The following RANBP2 variants were observed in gnomAD, a reference collection of about 807,000 sequenced individuals.
The protein encoded by RANBP2 is E3 SUMO-protein ligase RanBP2.
A neutral mutation model predicts 303.6 loss-of-function variants in RANBP2; 57 were observed. The observed-to-expected ratio is 0.19, with a 90% CI of 0.15 to 0.23. The LOEUF is 0.23. Among genes scored for constraint, RANBP2 ranks in the 10% least tolerant of loss-of-function variants. The pLI, the probability that RANBP2 is intolerant of heterozygous loss-of-function variation, is 1.00. For synonymous variants in RANBP2, 1,167 were observed against 1,301.5 expected (o/e 0.90, Z 2.23); for missense variants, 3,138 against 3,780.8 (o/e 0.83, Z 4.46).
chr2:109,047,823 A>G, the RANBP2 span, among the ~76,000 whole-genome samples: 1 of 152,356 alleles, frequency 6.6e-6, no homozygotes, highest in East Asian at 1.9e-4. Flanking sequence ...ACAAAAAAAC[A>G]AAATCCAAAC....
At chr2:108,736,270 A>C (rs372137505) in intron 6 of RANBP2, 21 bp downstream of exon 6, 1 of 1,611,850 alleles carries the variant, frequency 6.2e-7, no homozygotes, top group Non-Finnish European at 8.5e-7. Flanking sequence ...TTTGAGAAGA[A>C]TGCTTTAGTA....
chr2:108,833,276 A>G, the RANBP2 span, among the ~76,000 whole-genome samples: 1 of 152,226 alleles, frequency 6.6e-6, no homozygotes, highest in Non-Finnish European at 1.5e-5. Context: ...CAGTGTTAAC[A>G]ACTGTAACAA....
chr2:109,088,790 A>C, the RANBP2 span, among the ~76,000 whole-genome samples: 1 of 152,148 alleles, frequency 6.6e-6, no homozygotes, highest in African/African-American at 2.4e-5. Flanking sequence ...TGGATTACAG[A>C]TGTGAGCCAC....
the RANBP2 span, among the ~76,000 whole-genome samples, chr2:109,170,490 C>T: frequency 1.1e-4 from 16 of 152,004 alleles, no homozygotes; most frequent in South Asian, 2.1e-4. Context: ...GGACTGCAGG[C>T]GCACACCACC....
At chr2:108,978,449 T>C in the RANBP2 span, among the ~76,000 whole-genome samples, 1 of 152,184 alleles carries the variant, frequency 6.6e-6, no homozygotes, top group Non-Finnish European at 1.5e-5. Context: ...GGGCTTGTCA[T>C]ATTTGTTAGA....
chr2:109,643,989 C>T, the RANBP2 span, among the ~76,000 whole-genome samples: 1 of 151,610 alleles, frequency 6.6e-6, no homozygotes, highest in Non-Finnish European at 1.5e-5. Flanking sequence ...GGCATGGTGG[C>T]AGGCGCCTGC....
chr2:109,185,285 A>G, the RANBP2 span, among the ~76,000 whole-genome samples: 1 of 152,242 alleles, frequency 6.6e-6, no homozygotes, highest in East Asian at 1.9e-4. Context: ...ATCGATGTGA[A>G]TAAAATCCCA....
chr2:109,708,365 A>G, the RANBP2 span, among the ~76,000 whole-genome samples: 24 of 151,794 alleles, frequency 1.6e-4, no homozygotes, highest in Admixed American at 1.5e-3. Flanking sequence ...GTCTCTAAAA[A>G]AACAAAATAA....
the RANBP2 span, among the ~76,000 whole-genome samples, chr2:109,083,743 G>A: frequency 1.3e-5 from 2 of 151,984 alleles, no homozygotes; most frequent in Non-Finnish European, 2.9e-5. Flanking sequence ...TTTCTGCCGT[G>A]GCTGCACCCT....
At chr2:108,992,222 C>T in the RANBP2 span, among the ~76,000 whole-genome samples, 1 of 152,230 alleles carries the variant, frequency 6.6e-6, no homozygotes, top group African/African-American at 2.4e-5. Flanking sequence ...ATTCATGCAG[C>T]AAATGCACGT....
the RANBP2 span, among the ~76,000 whole-genome samples, chr2:109,663,422 C>G: frequency 6.6e-6 from 1 of 152,210 alleles, no homozygotes; most frequent in African/African-American, 2.4e-5. Flanking sequence ...CTGTGCCCTG[C>G]TTCTTGTCCT....
chr2:109,089,729 G>A, the RANBP2 span, among the ~76,000 whole-genome samples: 1 of 152,182 alleles, frequency 6.6e-6, no homozygotes, highest in African/African-American at 2.4e-5. Flanking sequence ...ATTTGGTTGA[G>A]TTTCAGTTCT....
At chr2:109,302,100 A>G in the RANBP2 span, among the ~76,000 whole-genome samples, 2 of 152,114 alleles carry the variant, frequency 1.3e-5, no homozygotes, top group South Asian at 2.1e-4. Flanking sequence ...TCCCACTGCA[A>G]TCGATAGCAG....
chr2:108,773,390 A>G (rs1299598969), intron 23 of RANBP2, among the ~76,000 whole-genome samples: 2 of 152,120 alleles, frequency 1.3e-5, no homozygotes, highest in East Asian at 1.9e-4. Context: ...TTACCAAATA[A>G]TAATAATGGG....
chr2:109,052,779 T>A, the RANBP2 span, among the ~76,000 whole-genome samples: 2 of 152,096 alleles, frequency 1.3e-5, no homozygotes, highest in African/African-American at 4.8e-5. Context: ...GGATTACAGG[T>A]GTGAGCCACC....
intron 10 of RANBP2, 38 bp downstream of exon 10, chr2:108,751,483 T>G (rs1675876286): frequency 1.2e-6 from 2 of 1,611,670 alleles, no homozygotes; most frequent in Non-Finnish European, 1.7e-6. Context: ...ATTCTGAATT[T>G]TGTTTAATTT....
At chr2:109,116,538 T>G in the RANBP2 span, among the ~76,000 whole-genome samples, 1 of 152,214 alleles carries the variant, frequency 6.6e-6, no homozygotes, top group Non-Finnish European at 1.5e-5. Context: ...TTGTCTAAAT[T>G]TTTTTCAAAG....
the RANBP2 span, among the ~76,000 whole-genome samples, chr2:109,414,784 G>A: frequency 6.6e-6 from 1 of 152,188 alleles, no homozygotes; most frequent in South Asian, 2.1e-4. Context: ...CTCTCCAGCA[G>A]CATTTCCATC....
chr2:108,824,168 A>C, the RANBP2 span, among the ~76,000 whole-genome samples: 4 of 54,414 alleles, frequency 7.4e-5, no homozygotes, highest in Non-Finnish European at 1.8e-4. Context: ...TTAGAAAAAA[A>C]AATTTTTTCT....
Sources: gnomAD v4.1 joint callset for allele counts (sites outside exome capture counted in the v4.1 genomes callset) on GRCh38, gnomAD v4.1.1 for gene constraint, MANE v1.5 for transcripts, NCBI Gene and HGNC (gene_info 2026-07-23, HGNC 2026-07-21) for gene names.